The following CEP290 variants were observed in gnomAD, a reference collection of about 807,000 sequenced individuals.
CEP290 encodes the protein centrosomal protein 290.
Under a neutral mutation model 344.9 loss-of-function variants are expected in CEP290, and 317 were observed. The ratio of observed to expected loss-of-function variants is 0.92; its 90% confidence interval spans 0.84 to 1.01. The LOEUF is 1.01. Among genes scored for constraint, CEP290 ranks in the 50% least tolerant of loss-of-function variants. CEP290 has a pLI of 0.00. For synonymous variants in CEP290, 932 were observed against 895.8 expected, an observed-to-expected ratio of 1.04 and a Z score of -0.72; for missense variants, 2,754 against 2,761.4, an observed-to-expected ratio of 1.00 and a Z score of 0.06.
chr12:88,059,305 T>C (rs1439898542), intron 48 of CEP290, among the ~76,000 whole-genome samples: 1 of 152,230 alleles, frequency 6.6e-6, no homozygotes, highest in Non-Finnish European at 1.5e-5. Context: ...AAAAATGGGA[T>C]AGTTTATACC....
rs114745585 is a variant in CEP290, at chr12:88,102,630, T to C, written c.2991+208A>G. Among the ~76,000 whole-genome samples the C allele has an allele frequency of 0.01, 955 of 91,408 alleles. 15 individuals are homozygous for C. Among genetic ancestry groups the C allele is most frequent in the African/African-American group, 0.03 (917 of 30,186 alleles). The allele number at this position is 91,408 out of a possible 152,430, so 60.0% of individuals were successfully genotyped here. A position where few individuals can be genotyped will look rare whatever the true frequency, so the allele number is the denominator to read the frequency against. On this transcript the variant is annotated intron_variant, in intron 26 of 53. Coordinates refer to ENST00000552810, the MANE Select transcript of CEP290 (RefSeq NM_025114.4). The stretch of plus-strand genomic sequence containing the variant: ...TCAGAAGTCATTCAGCCACTATAAA[T>C]AGATAATATATTGTGTGTGTGTGTG...
intron 53 of CEP290, 111 bp downstream of exon 53, chr12:88,050,243 A>T: frequency 1.6e-6 from 1 of 623,628 alleles, no homozygotes; most frequent in Non-Finnish European, 2.8e-6. Flanking sequence ...TAAAGGTCAA[A>T]TATAAGATGT....
At chr12:88,133,232 T>C (rs970487995) in intron 6 of CEP290, among the ~76,000 whole-genome samples, 13 of 151,898 alleles carry the variant, frequency 8.6e-5, no homozygotes, top group African/African-American at 2.2e-4. Context: ...TACAGTACCA[T>C]GACCAGTTAA....
intron 44 of CEP290, among the ~76,000 whole-genome samples, chr12:88,067,249 AT>A (rs2136885987): frequency 6.6e-6 from 1 of 152,158 alleles, no homozygotes; most frequent in Admixed American, 6.5e-5. Flanking sequence ...GAAAATGCAT[AT>A]TCACTAATTT....
chr12:88,139,338 TA>T, intron 4 of CEP290, 147 bp from the exon 5 acceptor site: 2 of 508,700 alleles, frequency 3.9e-6, no homozygotes, highest in Non-Finnish European at 6.4e-6. Flanking sequence ...GGCAGATCCA[TA>T]AAATAGGAGT....
intron 36 of CEP290, 144 bp downstream of exon 36, chr12:88,083,703 G>A: frequency 4.8e-6 from 3 of 626,130 alleles, no homozygotes; most frequent in Non-Finnish European, 5.6e-6. Flanking sequence ...GCTACAGGAG[G>A]AAGAATGATC....
At chr12:88,091,435 A>G (rs1303357554) in intron 29 of CEP290, among the ~76,000 whole-genome samples, 3 of 151,708 alleles carry the variant, frequency 2.0e-5, no homozygotes, top group African/African-American at 4.8e-5. Flanking sequence ...CCTAATGGTA[A>G]TAAGTCCTTC....
chr12:88,141,517 C>T, intron 1 of CEP290, among the ~76,000 whole-genome samples, 183 bp from the exon 2 acceptor site: 1 of 105,160 alleles, frequency 9.5e-6, no homozygotes, highest in East Asian at 4.2e-4. Context: ...TCGGCACAAA[C>T]TGTCAGAGTG....
chr12:88,136,551 C>T, intron 6 of CEP290, 92 bp downstream of exon 6: 1 of 1,249,446 alleles, frequency 8.0e-7, no homozygotes, highest in Non-Finnish European at 1.2e-6. Context: ...TCAAATATAA[C>T]ATACAATATA....
rs1263662833 is a variant in CEP290 at position 88,067,435 on chromosome 12, G to A, written c.6135+1087C>T. Among the ~76,000 whole-genome samples, 10 of 152,126 alleles carry A rather than the reference G, an allele frequency of 6.6e-5. No individual in the cohort carries two copies. The East Asian group carries it at 9.6e-4, about 15-fold the overall frequency. On this transcript the variant is annotated intron_variant, in intron 44 of 53. Coordinates refer to ENST00000552810, the MANE Select transcript of CEP290 (RefSeq NM_025114.4). ...GGCCACGTAGCCAAACCAGGGACGC[G>A]TCCTTTCTTGGCTGGACTGACGCAT... is the stretch of plus-strand genomic sequence containing the variant.
At chr12:88,121,479 T>C (rs929487648) in intron 13 of CEP290, among the ~76,000 whole-genome samples, 2 of 152,132 alleles carry the variant, frequency 1.3e-5, no homozygotes, top group African/African-American at 4.8e-5. Flanking sequence ...TTTTGTCCAC[T>C]GTACTAAAAC....
At chr12:88,120,935 A>G in intron 14 of CEP290, 62 bp downstream of exon 14, 1 of 1,420,592 alleles carries the variant, frequency 7.0e-7, no homozygotes, top group South Asian at 1.2e-5. Flanking sequence ...AATAGCACAG[A>G]ATAGTCTGTG....
At chr12:88,120,412 T>C (rs2039332967) in intron 14 of CEP290, 136 bp from the exon 15 acceptor site, 3 of 432,854 alleles carry the variant, frequency 6.9e-6, no homozygotes, top group Admixed American at 4.4e-5. Context: ...ACTGGTTTTT[T>C]ATTGTGCTTT....
intron 45 of CEP290, 29 bp from the exon 46 acceptor site, chr12:88,062,807 A>AT (rs1221913715): frequency 7.4e-7 from 1 of 1,360,442 alleles, no homozygotes; most frequent in African/African-American, 1.4e-5. Flanking sequence ...ACATGTAATA[A>AT]TTTAACATAG....
chr12:88,111,678 T>G lies in CEP290; in HGVS notation c.2217+16A>C. ...TCTTATGTTTAGCATTTTCTTTTAT[T>G]TAATAAAATTCTCACCTTTAAATTA... is the stretch of plus-strand genomic sequence containing the variant. On this transcript the variant is annotated intron_variant, in intron 21 of 53. Transcript: ENST00000552810. 1.3e-6 allele frequency: 2 copies of G among 1,543,862 alleles called. No homozygotes were observed. Among genetic ancestry groups the G allele is most frequent in the South Asian group, 2.6e-5 (2 of 77,016 alleles).
At chr12:88,115,276 TAACAA>T (rs1242910070) in intron 18 of CEP290, 94 bp from the exon 19 acceptor site, 5 of 772,814 alleles carry the variant, frequency 6.5e-6, no homozygotes, top group South Asian at 3.6e-5. Flanking sequence ...CAATTAAGTA[TAACAA>T]AACAAAACAA....
chr12:88,060,008 T>A lies in CEP290; in HGVS notation c.6535A>T (p.Lys2179Ter), dbSNP rs1416229666. 6.4e-7 allele frequency: 1 copy of A among 1,556,082 alleles called. No homozygotes were observed. The highest frequency in any genetic ancestry group is 2.3e-5 in the East Asian group (1 of 43,350). ...ENEKLKAELE[K>*]LKAHLGHQLS... ...TGATGCCCAAGATGAGCTTTAAGTTTTTCTAATTCAGCCTAGTAAAAAAAC... is the reference window on the plus strand; with the variant it reads ...TGATGCCCAAGATGAGCTTTAAGTTATTCTAATTCAGCCTAGTAAAAAAAC... The change falls in exon 48 of 54, where the codon AAA (lysine) becomes TAA (stop). Residue 2179 changes from lysine (K) to a stop codon, truncating the protein, a stop_gained. Coordinates refer to ENST00000552810, the MANE Select transcript of CEP290 (RefSeq NM_025114.4). LOFTEE classifies it high-confidence loss of function.
At position 88,059,993 on chromosome 12, in the gene CEP290, G is replaced by C. The variant is rs2034339855; in HGVS notation, c.6550C>G (p.Leu2184Val). The C allele has an allele frequency of 6.4e-7, 1 of 1,567,788 alleles. No homozygotes were observed. The highest frequency in any genetic ancestry group is 8.6e-7 in the Non-Finnish European group (1 of 1,158,724). The change falls in exon 48 of 54, where the codon CTT becomes GTT. Residue 2184 changes from leucine to valine, a missense_variant. Physicochemically the swap from Leu to Val is conservative, Grantham distance 32 (BLOSUM62 1). Transcript: ENST00000552810. ...KAELEKLKAH[L>V]GHQLSMHYES... ...TAGTGCATGCTCAACTGATGCCCAA[G>C]ATGAGCTTTAAGTTTTTCTAATTCA...
chr12:88,140,088 T>G (rs1001785919), intron 3 of CEP290, among the ~76,000 whole-genome samples: 1 of 152,176 alleles, frequency 6.6e-6, no homozygotes, highest in African/African-American at 2.4e-5. Context: ...TTTCTAGATT[T>G]TTAATAGCAT....
Sources: allele counts gnomAD v4.1 joint callset (sites outside exome capture counted in the v4.1 genomes callset), GRCh38; gene constraint gnomAD v4.1.1; transcripts MANE v1.5; gene names NCBI Gene and HGNC (gene_info 2026-07-23, HGNC 2026-07-21).